ANOS1: variants seen among roughly 807,000 people sequenced by gnomAD.
ANOS1 encodes anosmin-1.
In ANOS1, 6 loss-of-function variants were observed where a neutral mutation model predicts 59.0. That is an observed-to-expected ratio of 0.10 (90% CI 0.06 to 0.20). ANOS1 has a LOEUF of 0.20. ANOS1 is among the 10% of genes least tolerant of loss of function. The pLI is 1.00. For missense variants in ANOS1, 433 were observed against 542.3 expected (o/e 0.80, Z 2.00); for synonymous variants, 217 against 223.4 (o/e 0.97, Z 0.25).
At position 8,530,530 on chromosome X, in the gene ANOS1, C is replaced by T. The variant is rs1405389269; in HGVS notation, c.*2465G>A. On this transcript the variant is annotated 3_prime_UTR_variant, in exon 14 of 14. Transcript: ENST00000262648. ...ATGTTTTTTATTAGCCCATTAATAG[C>T]ATTTTTCTTCCAATAACACCAATAA... 1 of 110,209 alleles carries T rather than the reference C, an allele frequency of 9.1e-6. No homozygotes were observed. The highest frequency in any genetic ancestry group is 1.9e-5 in the Non-Finnish European group (1 of 52,724). The allele number at this position is 110,209 out of a possible 1,213,427, so 9.1% of individuals were successfully genotyped here.
At chrX:8,694,011 C>T (rs984987409) in intron 2 of ANOS1, among the ~76,000 whole-genome samples, 2 of 111,197 alleles carry the variant, frequency 1.8e-5, no homozygotes, top group Non-Finnish European at 3.8e-5. Flanking sequence ...CGTGGGCCAC[C>T]GCCCCAGGCT....
chrX:8,536,188 C>CTTTTTT lies in ANOS1; in HGVS notation c.1622-383_1622-378dup, dbSNP rs1304219147. On this transcript the variant is annotated intron_variant, in intron 11 of 13. Transcript: ENST00000262648. ...GTTAGAAGAGTTATTAAATCCGAAG[C>CTTTTTT]TTTTTTTTTTTTTTTTTTTTTTTTT... Among the ~76,000 whole-genome samples, 117 of 31,889 alleles carry CTTTTTT rather than the reference C, an allele frequency of 3.7e-3. 23 individuals are homozygous for CTTTTTT. Among genetic ancestry groups the CTTTTTT allele is most frequent in the African/African-American group, 0.011 (97 of 8,889 alleles). 27.7% of individuals were successfully genotyped at this position (31,889 alleles called of 115,157 possible).
At chrX:8,616,728 G>A (rs754132652) in intron 3 of ANOS1, among the ~76,000 whole-genome samples, 18 of 111,082 alleles carry the variant, frequency 1.6e-4, no homozygotes, top group African/African-American at 4.9e-4. Context: ...TCTTTCTCCC[G>A]TTCCTCATAT....
intron 2 of ANOS1, among the ~76,000 whole-genome samples, chrX:8,651,321 A>G (rs1246734907): frequency 8.9e-6 from 1 of 111,954 alleles, no homozygotes; most frequent in Non-Finnish European, 1.9e-5. Flanking sequence ...ACTGTTCAAT[A>G]CTCCCATACT....
At chrX:8,557,956 A>G (rs1426124948) in intron 8 of ANOS1, among the ~76,000 whole-genome samples, 1 of 112,249 alleles carries the variant, frequency 8.9e-6, no homozygotes, top group Non-Finnish European at 1.9e-5. Context: ...TGGATAAAGA[A>G]AATGTGGCAT....
intron 2 of ANOS1, among the ~76,000 whole-genome samples, chrX:8,687,158 A>G (rs1211307375): frequency 1.8e-5 from 2 of 111,246 alleles, no homozygotes; most frequent in African/African-American, 3.3e-5. Flanking sequence ...GAAGATTTGA[A>G]ATGGCAAAGA....
intron 6 of ANOS1, among the ~76,000 whole-genome samples, chrX:8,580,151 T>C (rs890771010): frequency 8.9e-6 from 1 of 112,308 alleles, no homozygotes; most frequent in African/African-American, 3.2e-5. Flanking sequence ...TAGAAAACTT[T>C]AGGTAGACCC....
rs113714107 is a variant in ANOS1 at position 8,713,699 on chromosome X, G to C, written c.208-13954C>G. Among the ~76,000 whole-genome samples the C allele has an allele frequency of 5.1e-3, 552 of 107,503 alleles. 2 individuals carry two copies. Among genetic ancestry groups the C allele is most frequent in the African/African-American group, 0.018 (518 of 29,256 alleles). The allele number at this position is 107,503 out of a possible 115,157, so 93.4% of individuals were successfully genotyped here. On this transcript the variant is annotated intron_variant, in intron 1 of 13. Transcript: ENST00000262648. ...GCGATCTCAGCTCACTGCAACCTCCGCCTCCCGGGTTCAAGTGATTCTCCT... is the reference window on the plus strand; with the variant it reads ...GCGATCTCAGCTCACTGCAACCTCCCCCTCCCGGGTTCAAGTGATTCTCCT...
intron 8 of ANOS1, among the ~76,000 whole-genome samples, chrX:8,565,099 A>G (rs1601955651): frequency 8.9e-6 from 1 of 111,975 alleles, no homozygotes; most frequent in Non-Finnish European, 1.9e-5. Flanking sequence ...TAGATAATGT[A>G]ACCTCAACAA....
chrX:8,551,324 G>T (rs925394265), intron 9 of ANOS1, among the ~76,000 whole-genome samples: 2 of 111,596 alleles, frequency 1.8e-5, no homozygotes, highest in Non-Finnish European at 3.8e-5. Flanking sequence ...GAAACAAAAT[G>T]ATGAATTGCT....
intron 11 of ANOS1, among the ~76,000 whole-genome samples, chrX:8,536,215 TTA>T (rs1555981954): frequency 1.3e-4 from 10 of 78,522 alleles, no homozygotes; most frequent in African/African-American, 2.0e-4. Context: ...TTTTTTTTTT[TTA>T]AAAGGTGAGA....
At chrX:8,661,317 G>C (rs1005714895) in intron 2 of ANOS1, among the ~76,000 whole-genome samples, 3 of 111,507 alleles carry the variant, frequency 2.7e-5, no homozygotes, top group Admixed American at 9.5e-5. Flanking sequence ...GTGTGGGCAG[G>C]GTTGGTGCCT....
At chrX:8,576,473 C>T (rs1428708516) in intron 6 of ANOS1, among the ~76,000 whole-genome samples, 1 of 100,784 alleles carries the variant, frequency 9.9e-6, no homozygotes, top group African/African-American at 4.0e-5. Flanking sequence ...TATATACACA[C>T]ACACACACAC....
intron 2 of ANOS1, among the ~76,000 whole-genome samples, chrX:8,643,205 TAGA>T (rs1463900302): frequency 8.9e-6 from 1 of 111,869 alleles, no homozygotes; most frequent in African/African-American, 3.2e-5. Flanking sequence ...ATAATGCATA[TAGA>T]AGGTCTTTAT....
chrX:8,724,962 C>T (rs1034022999), intron 1 of ANOS1, among the ~76,000 whole-genome samples: 6 of 111,270 alleles, frequency 5.4e-5, no homozygotes, highest in African/African-American at 2.0e-4. Context: ...GATAGACAAC[C>T]TGCTTTCAAA....
At chrX:8,704,151 T>C (rs1225765618) in intron 1 of ANOS1, among the ~76,000 whole-genome samples, 1 of 111,877 alleles carries the variant, frequency 8.9e-6, no homozygotes, top group Non-Finnish European at 1.9e-5. Context: ...TCCTTTGTCT[T>C]CCACCATGAT....
chrX:8,595,443 A>G (rs1930716450), intron 4 of ANOS1, among the ~76,000 whole-genome samples: 1 of 110,598 alleles, frequency 9.0e-6, no homozygotes, highest in Admixed American at 9.6e-5. Context: ...AAGAAAAAAA[A>G]ACCGGTTGAA....
chrX:8,639,873 T>G (rs1278913848), intron 2 of ANOS1, among the ~76,000 whole-genome samples: 1 of 111,466 alleles, frequency 9.0e-6, no homozygotes, highest in Non-Finnish European at 1.9e-5. Flanking sequence ...TCTTTGTTAA[T>G]GAGCAAAATC....
chrX:8,663,587 G>T (rs2146873976), intron 2 of ANOS1, among the ~76,000 whole-genome samples: 1 of 111,751 alleles, frequency 8.9e-6, no homozygotes, highest in African/African-American at 3.3e-5. Flanking sequence ...GGAACCAATA[G>T]ATCCAACTGG....
Sources: allele counts gnomAD v4.1 joint callset (sites outside exome capture counted in the v4.1 genomes callset), GRCh38; gene constraint gnomAD v4.1.1; transcripts MANE v1.5; gene names NCBI Gene and HGNC (gene_info 2026-07-23, HGNC 2026-07-21).